SYNJ2: variants seen among roughly 807,000 people sequenced by gnomAD.
SYNJ2 encodes synaptojanin 2, also known as polyphosphatidylinositol phosphatase SYNJ2.
A neutral mutation model predicts 141.3 loss-of-function variants in SYNJ2; 116 were observed. The observed-to-expected ratio is 0.82, with a 90% CI of 0.71 to 0.96. SYNJ2 has a LOEUF of 0.96. Ranked by LOEUF, SYNJ2 falls within the 40% of genes least tolerant of loss-of-function variation. The pLI is 0.00. For missense variants in SYNJ2, 1,873 were observed against 1,934.8 expected (o/e 0.97, Z 0.60); for synonymous variants, 745 against 777.7 (o/e 0.96, Z 0.70).
At chr6:158,061,912 G>C in intron 7 of SYNJ2, 80 bp from the exon 8 acceptor site, 1 of 1,453,472 alleles carries the variant, frequency 6.9e-7, no homozygotes, top group Non-Finnish European at 9.4e-7. Context: ...TAGCCGCACG[G>C]GTCAAGCTCT....
chr6:158,048,511 C>G (rs1780379854), intron 5 of SYNJ2, among the ~76,000 whole-genome samples: 1 of 152,152 alleles, frequency 6.6e-6, no homozygotes, highest in Non-Finnish European at 1.5e-5. Context: ...GCTACTCAAG[C>G]AGTACTCCCC....
In SYNJ2 at chr6:158,090,056, A is replaced by G. The variant is rs1783337492; in HGVS notation, c.3565+109A>G. On this transcript the variant is annotated intron_variant, in intron 25 of 26. Coordinates refer to ENST00000355585, the MANE Select transcript of SYNJ2 (RefSeq NM_003898.4). Reference sequence around the variant, plus strand: ...TAACTCTTTTTATTCTTCTGGAGGCAATATTAAATGAAAACATCCTTTAGC... The same window carrying G: ...TAACTCTTTTTATTCTTCTGGAGGCGATATTAAATGAAAACATCCTTTAGC... 1.3e-5 allele frequency: 9 copies of G among 713,484 alleles called. No individual in the cohort carries two copies. The Admixed American group carries it at 2.2e-4, about 18-fold the overall frequency. The allele number at this position is 713,484 out of a possible 1,614,324, so 44.2% of individuals were successfully genotyped here. A position where few individuals can be genotyped will look rare whatever the true frequency, so the allele number is the denominator to read the frequency against.
rs1778524823 is a variant in SYNJ2, at chr6:158,017,453, T to G, written c.214+163T>G. 1.2e-5 allele frequency: 13 copies of G among 1,057,134 alleles called. 1 individual carries two copies. In the African/African-American group the frequency reaches 1.3e-4, roughly 11 times the overall value. 65.5% of individuals were successfully genotyped at this position (1,057,134 alleles called of 1,614,324 possible). On this transcript the variant is annotated intron_variant, in intron 2 of 26. Coordinates refer to ENST00000355585, the MANE Select transcript of SYNJ2 (RefSeq NM_003898.4). ...CTCCGAGATAGAGTTTTGCTCTTGT[T>G]GCCCAGGCTGCAGTGCAATGGCGCG...
In SYNJ2 at chr6:158,055,666, C is replaced by G. The variant is rs557093159; in HGVS notation, c.857+638C>G. Among the ~76,000 whole-genome samples, 42 of 152,108 alleles carry G rather than the reference C, an allele frequency of 2.8e-4. No homozygotes were observed. In the South Asian group the frequency reaches 8.7e-3, roughly 32 times the overall value. On this transcript the variant is annotated intron_variant, in intron 6 of 26. Coordinates refer to ENST00000355585, the MANE Select transcript of SYNJ2 (RefSeq NM_003898.4). ...GATTTGCTTATTTAATCTAAATACT[C>G]AATATTTTAAAATTGTCTTAGTGAA...
intron 1 of SYNJ2, chr6:158,001,826 C>T (rs1218871884): frequency 6.6e-6 from 1 of 152,338 alleles, no homozygotes; most frequent in Non-Finnish European, 1.5e-5. Flanking sequence ...CTCGCTCCCG[C>T]AGTTTCCCCC....
chr6:158,004,971 G>A (rs763521539), intron 1 of SYNJ2, among the ~76,000 whole-genome samples: 4 of 151,618 alleles, frequency 2.6e-5, no homozygotes, highest in Admixed American at 6.6e-5. Flanking sequence ...GCAGCCACTC[G>A]CTCCCATGCC....
intron 2 of SYNJ2, among the ~76,000 whole-genome samples, chr6:158,025,206 A>C (rs73579649): frequency 1.3e-5 from 2 of 152,162 alleles, no homozygotes; most frequent in African/African-American, 4.8e-5. Flanking sequence ...GGAGAGGTGC[A>C]GGAGATCTCT....
chr6:158,071,594 TG>T lies in SYNJ2; in HGVS notation c.1941-7del. On this transcript the variant is annotated splice_polypyrimidine_tract_variant and splice_region_variant and intron_variant, in intron 14 of 26. Coordinates refer to ENST00000355585, the MANE Select transcript of SYNJ2 (RefSeq NM_003898.4). The surrounding 1 kb of genome is among the most constrained non-coding windows in gnomAD (Gnocchi z 4.3). ...AGCCGACGGCATGCGCGTATCCTTC[TG>T]TTCCAGGGACGTAGCCATCGACACA... 6.2e-7 allele frequency: 1 copy of T among 1,613,044 alleles called. No individual in the cohort carries two copies. Among genetic ancestry groups the T allele is most frequent in the East Asian group, 2.2e-5 (1 of 44,870 alleles).
chr6:158,048,721 G>T (rs568839543), intron 5 of SYNJ2, among the ~76,000 whole-genome samples: 17 of 152,182 alleles, frequency 1.1e-4, no homozygotes, highest in Admixed American at 5.9e-4. Context: ...ATTGGGGTCA[G>T]ACTGGGTGCA....
chr6:158,002,285 A>G (rs902796762), intron 1 of SYNJ2: 18 of 152,272 alleles, frequency 1.2e-4, no homozygotes, highest in Admixed American at 2.0e-4. Flanking sequence ...CAGTTCCCAA[A>G]GCTGTGCTCC....
At position 158,037,395 on chromosome 6, in the gene SYNJ2, CTTTTTTTTTTT is replaced by C. The variant is rs869141011; in HGVS notation, c.711+3728_711+3738del. ...CCCACCCTACTCCAGTTGTCCTCAT[CTTTTTTTTTTT>C]TTTTTTTTTTTTGGAGACGGAGTCT... is the stretch of plus-strand genomic sequence containing the variant. On this transcript the variant is annotated intron_variant, in intron 4 of 26. Coordinates refer to ENST00000355585, the MANE Select transcript of SYNJ2 (RefSeq NM_003898.4). Among the ~76,000 whole-genome samples, 7 of 109,084 alleles carry C rather than the reference CTTTTTTTTTTT, an allele frequency of 6.4e-5. No homozygotes were observed. In the East Asian group the frequency reaches 1.6e-3, roughly 24 times the overall value. 71.6% of individuals were successfully genotyped at this position (109,084 alleles called of 152,430 possible).
At chr6:158,056,861 T>C (rs1021222555) in intron 6 of SYNJ2, among the ~76,000 whole-genome samples, 1 of 152,232 alleles carries the variant, frequency 6.6e-6, no homozygotes, top group Non-Finnish European at 1.5e-5. Flanking sequence ...TGGGTGCCCC[T>C]GTTAGCCGAG....
At chr6:157,994,125 G>A (rs955793164) in intron 1 of SYNJ2, among the ~76,000 whole-genome samples, 5 of 152,142 alleles carry the variant, frequency 3.3e-5, no homozygotes, top group African/African-American at 1.2e-4. Context: ...CAGCCAGTGT[G>A]TGGTCTTTTT....
intron 1 of SYNJ2, among the ~76,000 whole-genome samples, chr6:158,002,755 G>A (rs1583300823): frequency 1.3e-5 from 2 of 152,172 alleles, no homozygotes; most frequent in East Asian, 1.9e-4. Flanking sequence ...GGGCTACCAG[G>A]CCCAGTGAAA....
intron 16 of SYNJ2, among the ~76,000 whole-genome samples, chr6:158,075,342 C>T (rs1583471455): frequency 6.6e-6 from 1 of 151,738 alleles, no homozygotes; most frequent in East Asian, 2.0e-4. Context: ...GAGAAAGAAG[C>T]TGGTTAAATG....
At chr6:158,086,787 C>T in intron 22 of SYNJ2, 68 bp from the exon 23 acceptor site, 1 of 1,569,094 alleles carries the variant, frequency 6.4e-7, no homozygotes, top group Admixed American at 1.7e-5. Flanking sequence ...CTCCTGTGCT[C>T]AGATCCGTGT....
chr6:158,011,861 A>C (rs1366264323), intron 1 of SYNJ2, among the ~76,000 whole-genome samples: 1 of 152,218 alleles, frequency 6.6e-6, no homozygotes, highest in Non-Finnish European at 1.5e-5. Context: ...ACCAGGGCAT[A>C]CGGGTTCTGT....
Position 158,066,512 on chromosome 6 carries a change from A to G in SYNJ2, c.1594A>G (p.Ile532Val), listed in dbSNP as rs755150315. Residue 532 changes from isoleucine (I) to valine (V), a missense_variant, in exon 12 of 27, where the codon ATT becomes GTT. Coordinates refer to ENST00000355585, the MANE Select transcript of SYNJ2 (RefSeq NM_003898.4). Reference sequence around the variant, plus strand: ...ATTCACAAATTTCAAGCGGATCCGGATTGCTATGGGGACCTGGAACGTGAA... The same window carrying G: ...ATTCACAAATTTCAAGCGGATCCGGGTTGCTATGGGGACCTGGAACGTGAA... ...SEFTNFKRIR[I>V]AMGTWNVNGG... 10 of 1,614,052 alleles carry G rather than the reference A, an allele frequency of 6.2e-6. No homozygotes were observed. Among genetic ancestry groups the G allele is most frequent in the Non-Finnish European group, 8.5e-6 (10 of 1,180,048 alleles).
At chr6:158,021,199 T>C (rs957022547) in intron 2 of SYNJ2, among the ~76,000 whole-genome samples, 1 of 152,244 alleles carries the variant, frequency 6.6e-6, no homozygotes, top group Non-Finnish European at 1.5e-5. Flanking sequence ...CTATAATGAA[T>C]TGTGTCTCCT....
Sources: allele counts gnomAD v4.1 joint callset (sites outside exome capture counted in the v4.1 genomes callset), GRCh38; gene constraint gnomAD v4.1.1; non-coding constraint Gnocchi (gnomAD v3.1); transcripts MANE v1.5; gene names NCBI Gene and HGNC (gene_info 2026-07-23, HGNC 2026-07-21).